VRK2: variants seen among roughly 807,000 people sequenced by gnomAD.
VRK2 encodes the protein VRK serine/threonine kinase 2.
A neutral mutation model predicts 57.6 loss-of-function variants in VRK2; 60 were observed. The observed-to-expected ratio is 1.04, with a 90% CI of 0.85 to 1.29. The LOEUF (loss-of-function observed/expected upper bound fraction) is 1.29, where lower values mean the gene tolerates loss of function less well. VRK2 is among the 50% of genes most tolerant of loss of function. The pLI, the probability that VRK2 is intolerant of heterozygous loss-of-function variation, is 0.00. For missense variants in VRK2, 705 were observed against 588.1 expected (o/e 1.20, Z -2.06); for synonymous variants, 231 against 199.2 (o/e 1.16, Z -1.35).
chr2:57,983,990 T>G (rs1419249274), intron 1 of VRK2, among the ~76,000 whole-genome samples: 1 of 152,144 alleles, frequency 6.6e-6, no homozygotes. Flanking sequence ...AAAAGATCAC[T>G]GGGGTTCCCA....
chr2:57,939,671 G>C (rs1216897835), intron 1 of VRK2, among the ~76,000 whole-genome samples: 2 of 152,164 alleles, frequency 1.3e-5, no homozygotes, highest in African/African-American at 4.8e-5. Flanking sequence ...TTATGTGAAA[G>C]TAAATGCACA....
chr2:58,018,935 A>G (rs1458824843), intron 1 of VRK2, among the ~76,000 whole-genome samples: 2 of 152,182 alleles, frequency 1.3e-5, no homozygotes, highest in African/African-American at 4.8e-5. Flanking sequence ...TACATTAGTT[A>G]TGTGTCCCCT....
intron 1 of VRK2, among the ~76,000 whole-genome samples, chr2:57,915,214 A>C (rs1670107552): frequency 6.6e-6 from 1 of 152,208 alleles, no homozygotes; most frequent in African/African-American, 2.4e-5. Context: ...AAAACTAAGC[A>C]AAAGACATTA....
intron 7 of VRK2, among the ~76,000 whole-genome samples, chr2:58,115,370 T>C (rs1573192190): frequency 6.6e-6 from 1 of 152,076 alleles, no homozygotes; most frequent in African/African-American, 2.4e-5. Flanking sequence ...CTGAAGGAGC[T>C]GGGGAGCAGA....
At chr2:58,135,058 A>G (rs1679818232) in intron 9 of VRK2, 83 bp from the exon 10 acceptor site, 1 of 1,480,098 alleles carries the variant, frequency 6.8e-7, no homozygotes, top group African/African-American at 1.4e-5. Flanking sequence ...TGACCTACCA[A>G]CACATAGAGT....
intron 12 of VRK2, among the ~76,000 whole-genome samples, chr2:58,152,815 C>T (rs1016699815): frequency 1.3e-5 from 2 of 151,832 alleles, no homozygotes; most frequent in African/African-American, 4.8e-5. Flanking sequence ...CCTTACCTAC[C>T]CTTTCACCCA....
intron 2 of VRK2, among the ~76,000 whole-genome samples, chr2:58,053,638 AG>A (rs1189112497): frequency 6.6e-6 from 1 of 152,110 alleles, no homozygotes; most frequent in African/African-American, 2.4e-5. Flanking sequence ...ATTGATTTTA[AG>A]GTATGCAGAA....
intron 1 of VRK2, among the ~76,000 whole-genome samples, chr2:57,990,612 G>A (rs1672733710): frequency 6.6e-6 from 1 of 152,154 alleles, no homozygotes. Context: ...CACTTGTCTA[G>A]TGTTACAGTA....
chr2:58,150,753 A>G (rs1214989502), intron 12 of VRK2, among the ~76,000 whole-genome samples: 2 of 151,060 alleles, frequency 1.3e-5, no homozygotes, highest in Non-Finnish European at 3.0e-5. Context: ...TTTTTTTTCT[A>G]ACGTATATAG....
intron 2 of VRK2, among the ~76,000 whole-genome samples, chr2:58,064,651 C>T (rs1410118028): frequency 2.0e-5 from 3 of 152,014 alleles, no homozygotes; most frequent in Non-Finnish European, 2.9e-5. Context: ...ACCGAACCTG[C>T]AGTATCTCCA....
At chr2:58,083,836 C>T (rs1231196239) in intron 2 of VRK2, among the ~76,000 whole-genome samples, 3 of 151,758 alleles carry the variant, frequency 2.0e-5, no homozygotes, top group Non-Finnish European at 4.4e-5. Context: ...AGTGTATGGG[C>T]TGTGATGTCA....
intron 2 of VRK2, among the ~76,000 whole-genome samples, chr2:58,079,697 T>G (rs543015619): frequency 1.3e-5 from 2 of 152,176 alleles, no homozygotes; most frequent in Admixed American, 6.6e-5. Flanking sequence ...TGCACCAACT[T>G]AATATTATAA....
At chr2:58,055,053 C>A (rs1225650749) in intron 2 of VRK2, among the ~76,000 whole-genome samples, 1 of 152,170 alleles carries the variant, frequency 6.6e-6, no homozygotes, top group Non-Finnish European at 1.5e-5. Context: ...CCAGAAACAT[C>A]TACAGATGCA....
At chr2:58,136,488 G>A (rs1004774062) in intron 10 of VRK2, among the ~76,000 whole-genome samples, 6 of 151,388 alleles carry the variant, frequency 4.0e-5, no homozygotes, top group Admixed American at 1.3e-4. Flanking sequence ...AGGTTCAAGC[G>A]ATTCTTCTGC....
intron 2 of VRK2, among the ~76,000 whole-genome samples, chr2:58,072,440 T>C (rs937253265): frequency 1.3e-5 from 2 of 151,968 alleles, no homozygotes; most frequent in Non-Finnish European, 2.9e-5. Context: ...TGAGAAAGTT[T>C]CTATCTATTT....
chr2:57,929,371 C>G (rs1357427636), intron 1 of VRK2, among the ~76,000 whole-genome samples: 1 of 152,192 alleles, frequency 6.6e-6, no homozygotes, highest in Non-Finnish European at 1.5e-5. Context: ...TGCCTAACCA[C>G]CACCAGTGTT....
chr2:58,053,896 G>A (rs1479849316), intron 2 of VRK2, among the ~76,000 whole-genome samples: 2 of 151,948 alleles, frequency 1.3e-5, no homozygotes, highest in Non-Finnish European at 2.9e-5. Flanking sequence ...AGAATAATTT[G>A]GACTAGAAAC....
At chr2:58,043,084 A>G (rs955281870), upstream of VRK2, among the ~76,000 whole-genome samples, 4 of 152,210 alleles carry the variant, frequency 2.6e-5, no homozygotes, top group African/African-American at 7.2e-5. Flanking sequence ...CAAATTTATT[A>G]ACATTTAAAA....
At chr2:58,047,272 G>T in intron 1 of VRK2, 2 of 358,192 alleles carry the variant, frequency 5.6e-6, no homozygotes, top group Non-Finnish European at 7.8e-6. Flanking sequence ...CTTCCGCAGG[G>T]TCAGGGGCCG....
Sources: allele counts gnomAD v4.1 joint callset (sites outside exome capture counted in the v4.1 genomes callset), GRCh38; gene constraint gnomAD v4.1.1; transcripts MANE v1.5; gene names NCBI Gene and HGNC (gene_info 2026-07-23, HGNC 2026-07-21).